PMFBP1: variants seen among roughly 807,000 people sequenced by gnomAD.
PMFBP1 encodes the protein polyamine modulated factor 1 binding protein 1, also known as polyamine-modulated factor 1-binding protein 1.
Under a neutral mutation model 137.8 loss-of-function variants are expected in PMFBP1, and 131 were observed. The observed-to-expected ratio is 0.95, with a 90% CI of 0.82 to 1.10. The LOEUF is 1.10. Ranked by LOEUF, PMFBP1 falls within the 50% of genes least tolerant of loss-of-function variation. The pLI is 0.00. For synonymous variants in PMFBP1, 490 were observed against 450.4 expected (o/e 1.09, Z -1.11); for missense variants, 1,199 against 1,175.4 (o/e 1.02, Z -0.29).
chr16:72,126,266 A>C (rs1370208145), intron 14 of PMFBP1, 134 bp from the exon 15 acceptor site: 1 of 930,064 alleles, frequency 1.1e-6, no homozygotes. Context: ...GTTAACACTC[A>C]CATCTTCACT....
the PMFBP1 span, among the ~76,000 whole-genome samples, chr16:72,197,073 C>T: frequency 2.0e-5 from 3 of 152,130 alleles, no homozygotes; most frequent in African/African-American, 7.2e-5. Flanking sequence ...AAACACTGCC[C>T]CTTTGTACAA....
chr16:72,187,354 G>A, the PMFBP1 span, among the ~76,000 whole-genome samples: 4 of 152,106 alleles, frequency 2.6e-5, no homozygotes, highest in African/African-American at 7.2e-5. Flanking sequence ...AAAGCTGTCT[G>A]GGGTACTAGT....
upstream of PMFBP1, among the ~76,000 whole-genome samples, chr16:72,179,320 A>G (rs2043268944): frequency 3.9e-5 from 6 of 152,204 alleles, no homozygotes; most frequent in Admixed American, 3.9e-4. Flanking sequence ...ACTGATTTAT[A>G]TTTTAATATC....
chr16:72,204,211 A>G, the PMFBP1 span, among the ~76,000 whole-genome samples: 11 of 147,190 alleles, frequency 7.5e-5, no homozygotes, highest in Admixed American at 2.0e-4. Context: ...TTTTTGAGAC[A>G]GGGTCTTGCT....
At chr16:72,221,223 C>A in the PMFBP1 span, among the ~76,000 whole-genome samples, 1 of 152,168 alleles carries the variant, frequency 6.6e-6, no homozygotes, top group Admixed American at 6.6e-5. Context: ...ACATTAGGCA[C>A]TTTAAAATAT....
the PMFBP1 span, among the ~76,000 whole-genome samples, chr16:72,217,778 G>A: frequency 4.6e-5 from 7 of 152,098 alleles, no homozygotes; most frequent in African/African-American, 9.7e-5. Context: ...GCTTGAACTC[G>A]GGAGGTGGAG....
intron 14 of PMFBP1, 99 bp downstream of exon 14, chr16:72,128,558 T>C (rs1437000147): frequency 1.9e-6 from 3 of 1,606,076 alleles, no homozygotes; most frequent in Admixed American, 1.7e-5. Flanking sequence ...GGCTGAGCAG[T>C]TAGCTGCATT....
At chr16:72,178,157 T>G (rs2043264867), upstream of PMFBP1, among the ~76,000 whole-genome samples, 1 of 152,198 alleles carries the variant, frequency 6.6e-6, no homozygotes, top group Non-Finnish European at 1.5e-5. Context: ...TCTCCCAAAG[T>G]GCCTGATGTT....
chr16:72,172,268 C>G (rs1320833559), upstream of PMFBP1: 1 of 151,944 alleles, frequency 6.6e-6, no homozygotes, highest in Non-Finnish European at 1.5e-5. Flanking sequence ...AGGTGTGGCT[C>G]AGGCTCACCT....
At position 72,164,910 on chromosome 16, in the gene PMFBP1, C is replaced by G. The variant is rs1001761603; in HGVS notation, c.19G>C (p.Glu7Gln). MKDEAGERDREVSSLNS... is the reference protein window; with the variant it reads MKDEAGQRDREVSSLNS... ...AGGCTGCTCACTTCTCTGTCTCTCT[C>G]CCCCGCCTAGGCAGCCAGAAAAACA... is the stretch of plus-strand genomic sequence containing the variant. The change falls in exon 3 of 21, where the codon GAG becomes CAG. Residue 7 changes from glutamate to glutamine, a missense_variant. Coordinates refer to ENST00000237353, the MANE Select transcript of PMFBP1 (RefSeq NM_031293.3). The G allele has an allele frequency of 6.3e-7, 1 of 1,585,044 alleles. No individual in the cohort carries two copies. Among genetic ancestry groups the G allele is most frequent in the Non-Finnish European group, 8.6e-7 (1 of 1,158,912 alleles).
the PMFBP1 span, among the ~76,000 whole-genome samples, chr16:72,188,826 A>G: frequency 2.0e-5 from 3 of 152,266 alleles, no homozygotes; most frequent in Admixed American, 2.0e-4. Flanking sequence ...TTTGCTATTA[A>G]GCTCGGCGGC....
At chr16:72,193,429 A>G in the PMFBP1 span, among the ~76,000 whole-genome samples, 1 of 152,144 alleles carries the variant, frequency 6.6e-6, no homozygotes, top group South Asian at 2.1e-4. Context: ...GTATGAAAAA[A>G]ATTGTGGAGG....
downstream of PMFBP1, among the ~76,000 whole-genome samples, chr16:72,118,300 A>C (rs1157673504): frequency 6.6e-6 from 1 of 152,218 alleles, no homozygotes; most frequent in Non-Finnish European, 1.5e-5. Flanking sequence ...TTAAACAGAC[A>C]ACAACTATCA....
chr16:72,169,674 A>AAC lies in PMFBP1; in HGVS notation c.12+1521_12+1522dup, dbSNP rs34867741. On this transcript the variant is annotated intron_variant, in intron 2 of 20. Coordinates refer to ENST00000237353, the MANE Select transcript of PMFBP1 (RefSeq NM_031293.3). ...AACATTATGAAATGTAAGAAAGATA[A>AAC]ACACACACACACACACACACACAGA... Among the ~76,000 whole-genome samples the AAC allele has an allele frequency of 5.4e-3, 817 of 150,454 alleles. 6 individuals carry two copies. The highest frequency in any genetic ancestry group is 8.4e-3 in the Admixed American group (127 of 15,062).
chr16:72,188,337 C>A, the PMFBP1 span, among the ~76,000 whole-genome samples: 1 of 152,188 alleles, frequency 6.6e-6, no homozygotes, highest in Non-Finnish European at 1.5e-5. Context: ...GTATTCTAAT[C>A]GTAGACAGCA....
upstream of PMFBP1, among the ~76,000 whole-genome samples, chr16:72,177,780 A>C (rs944207422): frequency 6.6e-6 from 1 of 152,074 alleles, no homozygotes; most frequent in Non-Finnish European, 1.5e-5. Context: ...ATATCTTTAG[A>C]CTCCACTAAT....
the PMFBP1 span, among the ~76,000 whole-genome samples, chr16:72,214,185 T>C: frequency 6.6e-6 from 1 of 151,970 alleles, no homozygotes. Flanking sequence ...AGGAGTCTCT[T>C]GTTCTTCATT....
chr16:72,124,252 C>G (rs558713929), intron 17 of PMFBP1, among the ~76,000 whole-genome samples: 11 of 152,356 alleles, frequency 7.2e-5, no homozygotes, highest in South Asian at 2.1e-4. Context: ...CTCAAGCAGT[C>G]CTCCTGCCTT....
the PMFBP1 span, among the ~76,000 whole-genome samples, chr16:72,215,405 G>A: frequency 6.6e-6 from 1 of 151,188 alleles, no homozygotes; most frequent in Non-Finnish European, 1.5e-5. Flanking sequence ...CAAAAGAATA[G>A]CCATTAGTCT....
Sources: gnomAD v4.1 joint callset for allele counts (sites outside exome capture counted in the v4.1 genomes callset) on GRCh38, gnomAD v4.1.1 for gene constraint, MANE v1.5 for transcripts, NCBI Gene and HGNC (gene_info 2026-07-23, HGNC 2026-07-21) for gene names.